Variants in STT3B observed in about 807,000 individuals in gnomAD.
STT3B encodes dolichyl-diphosphooligosaccharide--protein glycosyltransferase subunit STT3B.
Under a neutral mutation model 96.8 loss-of-function variants are expected in STT3B, and 29 were observed. The observed-to-expected ratio is 0.30, with a 90% confidence interval of 0.22 to 0.41. The LOEUF is 0.41. STT3B is among the 10% of genes least tolerant of loss of function. STT3B has a pLI of 1.00. For synonymous variants in STT3B, 367 were observed against 360.0 expected (o/e 1.02, Z -0.22); for missense variants, 640 against 1,022.3 (o/e 0.63, Z 5.10).
intron 1 of STT3B, among the ~76,000 whole-genome samples, chr3:31,545,664 C>G (rs939351819): frequency 6.6e-6 from 1 of 151,646 alleles, no homozygotes; most frequent in Non-Finnish European, 1.5e-5. Context: ...CAACATTATG[C>G]TGAATTTTGT....
At chr3:31,576,343 A>G in intron 1 of STT3B, 53 bp from the exon 2 acceptor site, 1 of 987,716 alleles carries the variant, frequency 1.0e-6, no homozygotes, top group Non-Finnish European at 1.5e-6. Context: ...ATAAAGAAGG[A>G]GCTATTTCTA....
intron 3 of STT3B, among the ~76,000 whole-genome samples, chr3:31,581,441 TTG>T (rs1397954719): frequency 1.3e-5 from 2 of 152,218 alleles, no homozygotes; most frequent in Non-Finnish European, 2.9e-5. Context: ...ATATTCTATT[TTG>T]TGGACATTTA....
chr3:31,613,521 AT>A (rs1699232059), intron 5 of STT3B, among the ~76,000 whole-genome samples: 1 of 152,110 alleles, frequency 6.6e-6, no homozygotes, highest in Non-Finnish European at 1.5e-5. Context: ...ATCTTAGTTT[AT>A]AATTGTTGGG....
intron 14 of STT3B, among the ~76,000 whole-genome samples, chr3:31,630,988 G>T (rs1699644264): frequency 6.6e-6 from 1 of 152,068 alleles, no homozygotes; most frequent in Non-Finnish European, 1.5e-5. Flanking sequence ...AGTGGAGATG[G>T]GGTTTCACTA....
At position 31,615,198 on chromosome 3, in the gene STT3B, C is replaced by G; in HGVS notation, c.971C>G (p.Ala324Gly). 1 of 1,602,936 alleles carries G rather than the reference C, an allele frequency of 6.2e-7. No individual in the cohort carries two copies. Among genetic ancestry groups the G allele is most frequent in the Non-Finnish European group, 8.5e-7 (1 of 1,172,142 alleles). ...ATCAGAACAAGTGAACACATGGCAG[C>G]TGCAGGTATGAAAAATATATATTTT... ...QPIRTSEHMAAAGVFALLQAY... is the reference protein window; with the variant it reads ...QPIRTSEHMAGAGVFALLQAY... Residue 324 changes from alanine to glycine, a missense_variant, in exon 6 of 16, where the codon GCT becomes GGT. Coordinates refer to ENST00000295770, the MANE Select transcript of STT3B (RefSeq NM_178862.3).
At chr3:31,616,369 A>G (rs1010409004) in intron 6 of STT3B, among the ~76,000 whole-genome samples, 2 of 151,014 alleles carry the variant, frequency 1.3e-5, no homozygotes, top group African/African-American at 4.8e-5. Flanking sequence ...AGAAAAGATG[A>G]GAGAGACTTC....
intron 3 of STT3B, among the ~76,000 whole-genome samples, chr3:31,586,193 A>G (rs145511984): frequency 6.3e-4 from 96 of 152,148 alleles, no homozygotes; most frequent in African/African-American, 2.2e-3. Flanking sequence ...CTTTTCCCCA[A>G]TGACTGGTGA....
intron 15 of STT3B, among the ~76,000 whole-genome samples, chr3:31,634,281 T>C (rs1359798121): frequency 6.6e-6 from 1 of 152,198 alleles, no homozygotes; most frequent in Non-Finnish European, 1.5e-5. Flanking sequence ...TCAAAGCAGT[T>C]ACTCCTAAGA....
chr3:31,607,752 G>GGTGGTT (rs1553606845), intron 5 of STT3B, among the ~76,000 whole-genome samples: 6 of 32,328 alleles, frequency 1.9e-4, no homozygotes, highest in Non-Finnish European at 9.5e-4. Flanking sequence ...GTTTTTGGGG[G>GGTGGTT]GTTGTTGTGG....
chr3:31,608,321 G>A (rs1241214456), intron 5 of STT3B, among the ~76,000 whole-genome samples: 2 of 152,138 alleles, frequency 1.3e-5, no homozygotes, highest in African/African-American at 2.4e-5. Context: ...GCTAGTTATT[G>A]GGGGAAAGAG....
intron 1 of STT3B, among the ~76,000 whole-genome samples, chr3:31,537,403 A>T (rs1481795629): frequency 6.6e-6 from 1 of 152,204 alleles, no homozygotes; most frequent in Non-Finnish European, 1.5e-5. Context: ...ACTTTGTGGG[A>T]TCATTAGCAT....
chr3:31,549,489 G>A (rs993125622), intron 1 of STT3B, among the ~76,000 whole-genome samples: 1 of 151,416 alleles, frequency 6.6e-6, no homozygotes, highest in Non-Finnish European at 1.5e-5. Context: ...TTGCTTATGA[G>A]TTTATTAGTT....
intron 5 of STT3B, among the ~76,000 whole-genome samples, chr3:31,602,438 GAGA>G (rs1698949717): frequency 6.6e-6 from 1 of 152,030 alleles, no homozygotes; most frequent in Non-Finnish European, 1.5e-5. Flanking sequence ...ATACAAGAGA[GAGA>G]AGATTGAGAA....
At chr3:31,586,340 A>T (rs1398460822) in intron 3 of STT3B, among the ~76,000 whole-genome samples, 1 of 146,132 alleles carries the variant, frequency 6.8e-6, no homozygotes, top group Non-Finnish European at 1.5e-5. Flanking sequence ...ATACTTTATC[A>T]GATGTGTGCT....
chr3:31,605,046 C>G (rs1318596140), intron 5 of STT3B, among the ~76,000 whole-genome samples: 1 of 151,930 alleles, frequency 6.6e-6, no homozygotes, highest in Admixed American at 6.6e-5. Context: ...AATAGATGAA[C>G]ACAAAAAAAT....
At chr3:31,579,391 T>G (rs1698330902) in intron 2 of STT3B, among the ~76,000 whole-genome samples, 1 of 150,986 alleles carries the variant, frequency 6.6e-6, no homozygotes, top group Non-Finnish European at 1.5e-5. Flanking sequence ...TTTTCTCATT[T>G]TCTTATGTAC....
At chr3:31,608,494 G>A (rs1699108546) in intron 5 of STT3B, among the ~76,000 whole-genome samples, 1 of 152,198 alleles carries the variant, frequency 6.6e-6, no homozygotes, top group South Asian at 2.1e-4. Context: ...GACTCATTGT[G>A]TAGTTCACAA....
Position 31,619,795 on chromosome 3 carries a change from T to C in STT3B, c.1292T>C (p.Phe431Ser). 6 of 1,612,702 alleles carry C rather than the reference T, an allele frequency of 3.7e-6. No individual in the cohort carries two copies. The highest frequency in any genetic ancestry group is 5.1e-6 in the Non-Finnish European group (6 of 1,179,662). ...TGTACCTTCCCAGCAGGCCTTTGGT[T>C]CTGCATCAAAAATATCAACGATGAA... is the stretch of plus-strand genomic sequence containing the variant. ...LVCTFPAGLWFCIKNINDERV... is the reference protein window; with the variant it reads ...LVCTFPAGLWSCIKNINDERV... Residue 431 changes from phenylalanine to serine, a missense_variant, in exon 9 of 16, where the codon TTC becomes TCC. Coordinates refer to ENST00000295770, the MANE Select transcript of STT3B (RefSeq NM_178862.3).
At chr3:31,558,900 G>A (rs1575413327) in intron 1 of STT3B, among the ~76,000 whole-genome samples, 2 of 149,332 alleles carry the variant, frequency 1.3e-5, no homozygotes, top group Admixed American at 1.3e-4. Flanking sequence ...ATTCAATCTT[G>A]ATAGGTTATG....
Sources: gnomAD v4.1 joint callset for allele counts (sites outside exome capture counted in the v4.1 genomes callset) on GRCh38, gnomAD v4.1.1 for gene constraint, MANE v1.5 for transcripts, NCBI Gene and HGNC (gene_info 2026-07-23, HGNC 2026-07-21) for gene names.